ADAM12: variants seen among roughly 807,000 people sequenced by gnomAD.
The protein encoded by ADAM12 is disintegrin and metalloproteinase domain-containing protein 12.
A neutral mutation model predicts 106.4 loss-of-function variants in ADAM12; 70 were observed. The observed-to-expected ratio is 0.66, with a 90% CI of 0.54 to 0.80. The LOEUF (loss-of-function observed/expected upper bound fraction) is 0.80, where lower values mean the gene tolerates loss of function less well. Ranked by LOEUF, ADAM12 falls within the 30% of genes least tolerant of loss-of-function variation. The probability of loss-of-function intolerance (pLI) is 0.00; values close to 1 mark genes in which losing one functional copy is unlikely to be tolerated. For missense variants in ADAM12, 1,010 were observed against 1,171.9 expected (o/e 0.86, Z 2.02); for synonymous variants, 420 against 433.5 (o/e 0.97, Z 0.39).
chr10:126,053,750 G>C lies in ADAM12; in HGVS notation c.1610-4081C>G, dbSNP rs1954563640. ...GAGAGAGTTTCGCTCTTGTTGCCCA[G>C]GCTCGAGTGCAATGGTGTGATCTCG... On this transcript the variant is annotated intron_variant, in intron 14 of 22. Transcript: ENST00000448723. The surrounding 1 kb of genome is among the most constrained non-coding windows in gnomAD (Gnocchi z 4.6). Among the ~76,000 whole-genome samples, 2 of 152,070 alleles carry C rather than the reference G, an allele frequency of 1.3e-5. No individual in the cohort carries two copies.
rs1954828504 is a variant in ADAM12 at position 126,064,718 on chromosome 10, GC to G, written c.1609+87del. On this transcript the variant is annotated intron_variant, in intron 14 of 22. Transcript: ENST00000448723. This position sits in a 1 kb window ranked among gnomAD's most constrained non-coding sequence, Gnocchi z 4.4. Reference sequence around the variant, plus strand: ...TGGACAGCGCCCGCCAGGAGTGGGGGCTAACCAAAACAGAGCACATGCCCCC... The same window carrying G: ...TGGACAGCGCCCGCCAGGAGTGGGGGTAACCAAAACAGAGCACATGCCCCC... 2 of 1,397,730 alleles carry G rather than the reference GC, an allele frequency of 1.4e-6. No individual in the cohort carries two copies. Among genetic ancestry groups the G allele is most frequent in the East Asian group, 5.0e-5 (2 of 40,020 alleles). 86.6% of individuals were successfully genotyped at this position (1,397,730 alleles called of 1,614,324 possible). A position where few individuals can be genotyped will look rare whatever the true frequency, so the allele number is the denominator to read the frequency against.
intron 1 of ADAM12, among the ~76,000 whole-genome samples, chr10:126,361,918 G>A (rs1195700535): frequency 6.6e-6 from 1 of 151,518 alleles, no homozygotes; most frequent in African/African-American, 2.4e-5. Context: ...GGCAATAAAA[G>A]CAAAAATAAG....
At chr10:126,250,567 T>G (rs4962531) in intron 3 of ADAM12, among the ~76,000 whole-genome samples, 82,500 of 152,102 alleles carry the variant, frequency 0.54, 22,840 homozygotes, top group South Asian at 0.66. Context: ...TCTGATTATT[T>G]TTTTGTGGCT....
intron 12 of ADAM12, among the ~76,000 whole-genome samples, chr10:126,070,978 A>G (rs1477608381): frequency 6.6e-6 from 1 of 152,220 alleles, no homozygotes; most frequent in African/African-American, 2.4e-5. Flanking sequence ...TCTGAAAGCT[A>G]CAAGCTCGAG....
intron 1 of ADAM12, among the ~76,000 whole-genome samples, chr10:126,369,779 T>C (rs1856046428): frequency 6.6e-6 from 1 of 152,142 alleles, no homozygotes; most frequent in African/African-American, 2.4e-5. Flanking sequence ...TGCTAGACTG[T>C]TGAGATGGTT....
intron 3 of ADAM12, among the ~76,000 whole-genome samples, chr10:126,271,879 C>T (rs1959178843): frequency 6.6e-6 from 1 of 152,226 alleles, no homozygotes; most frequent in Admixed American, 6.5e-5. Context: ...GGACACACAA[C>T]CCCTGTATGG....
chr10:126,227,284 CCAT>C (rs1958215797), intron 3 of ADAM12, among the ~76,000 whole-genome samples: 1 of 152,140 alleles, frequency 6.6e-6, no homozygotes, highest in Non-Finnish European at 1.5e-5. Flanking sequence ...ATCATCGTCA[CCAT>C]CATCACTATT....
At chr10:126,327,231 C>T (rs751911565) in intron 2 of ADAM12, among the ~76,000 whole-genome samples, 17 of 152,228 alleles carry the variant, frequency 1.1e-4, no homozygotes, top group East Asian at 1.9e-4. Flanking sequence ...CTCTAGGATG[C>T]GGATGTGAGG....
chr10:126,187,563 C>T (rs1957422640), intron 3 of ADAM12, among the ~76,000 whole-genome samples: 1 of 152,112 alleles, frequency 6.6e-6, no homozygotes, highest in East Asian at 1.9e-4. Context: ...TTGTGGGATG[C>T]CCTGGCTGGA....
intron 21 of ADAM12, among the ~76,000 whole-genome samples, chr10:126,024,910 A>G (rs1953840370): frequency 6.6e-6 from 1 of 151,856 alleles, no homozygotes; most frequent in Non-Finnish European, 1.5e-5. Flanking sequence ...AGCCAAGGGA[A>G]CCCTCACCAT....
At chr10:126,318,198 AAC>A (rs969676561) in intron 2 of ADAM12, among the ~76,000 whole-genome samples, 1 of 151,938 alleles carries the variant, frequency 6.6e-6, no homozygotes, top group African/African-American at 2.4e-5. Flanking sequence ...GAAGTGCTAG[AAC>A]ACACACACAC....
At chr10:126,265,033 A>G (rs1238303282) in intron 3 of ADAM12, among the ~76,000 whole-genome samples, 2 of 152,234 alleles carry the variant, frequency 1.3e-5, no homozygotes, top group Admixed American at 1.3e-4. Context: ...ATGTGAAAAT[A>G]CAAGGCTTTT....
At chr10:126,296,201 G>A (rs1332508113) in intron 2 of ADAM12, among the ~76,000 whole-genome samples, 1 of 152,154 alleles carries the variant, frequency 6.6e-6, no homozygotes, top group African/African-American at 2.4e-5. Context: ...GAGTATAGTG[G>A]TACAATCATG....
At chr10:126,108,092 G>A (rs1156366282) in intron 8 of ADAM12, among the ~76,000 whole-genome samples, 3 of 152,194 alleles carry the variant, frequency 2.0e-5, no homozygotes, top group African/African-American at 7.2e-5. Context: ...TTTTCCAATA[G>A]CTGATTTAGC....
At chr10:126,281,706 C>T (rs1354327617) in intron 2 of ADAM12, among the ~76,000 whole-genome samples, 1 of 152,104 alleles carries the variant, frequency 6.6e-6, no homozygotes, top group East Asian at 1.9e-4. Flanking sequence ...TGAAGTAGTA[C>T]CGGTAAAATA....
chr10:126,143,532 CAT>C (rs1414580245), intron 4 of ADAM12, among the ~76,000 whole-genome samples: 87 of 147,982 alleles, frequency 5.9e-4, no homozygotes, highest in African/African-American at 2.1e-3. Context: ...TGTATATGTA[CAT>C]GTGTATGGGT....
intron 1 of ADAM12, among the ~76,000 whole-genome samples, chr10:126,350,711 G>A (rs1447574192): frequency 2.0e-5 from 3 of 152,190 alleles, no homozygotes; most frequent in Admixed American, 6.5e-5. Flanking sequence ...ACCTCACATC[G>A]GTGCACAGGA....
intron 10 of ADAM12, among the ~76,000 whole-genome samples, chr10:126,095,696 TA>T (rs1955545489): frequency 6.6e-6 from 1 of 152,086 alleles, no homozygotes; most frequent in South Asian, 2.1e-4. Context: ...CTAGTTTGTT[TA>T]GCCCCCTTGC....
At chr10:126,358,496 AC>A (rs1855627509) in intron 1 of ADAM12, among the ~76,000 whole-genome samples, 2 of 152,216 alleles carry the variant, frequency 1.3e-5, no homozygotes, top group African/African-American at 4.8e-5. Flanking sequence ...ATGTACCTTA[AC>A]ACAATAAAGC....
Sources: gnomAD v4.1 joint callset for allele counts (sites outside exome capture counted in the v4.1 genomes callset) on GRCh38, gnomAD v4.1.1 for gene constraint, Gnocchi (gnomAD v3.1) non-coding constraint, MANE v1.5 for transcripts, NCBI Gene and HGNC (gene_info 2026-07-23, HGNC 2026-07-21) for gene names.